The following MMS22L variants were observed in gnomAD, a reference collection of about 807,000 sequenced individuals.
MMS22L encodes the protein protein MMS22-like.
In MMS22L, 74 loss-of-function variants were observed where a neutral mutation model predicts 159.1. The observed-to-expected ratio is 0.47, with a 90% CI of 0.39 to 0.56. MMS22L has a LOEUF of 0.56. Ranked by LOEUF, MMS22L falls within the 20% of genes least tolerant of loss-of-function variation. The pLI is 0.00. For missense variants in MMS22L, 1,351 were observed against 1,422.1 expected (o/e 0.95, Z 0.80); for synonymous variants, 517 against 506.9 (o/e 1.02, Z -0.27).
At chr6:97,234,043 T>C in intron 11 of MMS22L, 63 bp from the exon 12 acceptor site, 1 of 1,558,282 alleles carries the variant, frequency 6.4e-7, no homozygotes, top group South Asian at 1.2e-5. Flanking sequence ...CATTTTCACT[T>C]GATATTGTGC....
chr6:97,265,813 C>T (rs907430894), intron 8 of MMS22L: 2 of 151,922 alleles, frequency 1.3e-5, no homozygotes, highest in African/African-American at 4.8e-5. Context: ...CCTGCGCCTC[C>T]CAGGTTCAAG....
At chr6:97,166,990 A>G (rs1803021635) in intron 20 of MMS22L, among the ~76,000 whole-genome samples, 1 of 152,154 alleles carries the variant, frequency 6.6e-6, no homozygotes, top group Non-Finnish European at 1.5e-5. Context: ...GTTAAGAAAT[A>G]CATCTTTGAA....
chr6:97,199,212 G>A (rs1198520829), intron 14 of MMS22L, among the ~76,000 whole-genome samples: 1 of 152,072 alleles, frequency 6.6e-6, no homozygotes, highest in Non-Finnish European at 1.5e-5. Context: ...TAAAAGTAAA[G>A]AGCCAAAGAT....
Position 97,149,920 on chromosome 6 carries a change from A to C in MMS22L, c.3583T>G (p.Ser1195Ala), listed in dbSNP as rs373483639. The change falls in exon 24 of 25, where the codon TCT becomes GCT. Residue 1195 changes from serine to alanine, a missense_variant. By Grantham distance (99) the Ser-to-Ala change is moderately conservative. Transcript: ENST00000683635. ...LDQQVVIHLI[S>A]TLTQSLKDSE... Reference sequence around the variant, plus strand: ...TCCTTCAGAGACTGAGTAAGGGTAGAAATCAAGTGGATGACAACCTGCTGG... The same window carrying C: ...TCCTTCAGAGACTGAGTAAGGGTAGCAATCAAGTGGATGACAACCTGCTGG... 1 of 1,613,744 alleles carries C rather than the reference A, an allele frequency of 6.2e-7. No homozygotes were observed.
At chr6:97,193,276 C>A (rs1806085108) in intron 14 of MMS22L, among the ~76,000 whole-genome samples, 1 of 152,132 alleles carries the variant, frequency 6.6e-6, no homozygotes, top group South Asian at 2.1e-4. Flanking sequence ...AACAACAAAT[C>A]AGGAATCCAG....
At chr6:97,193,245 T>A (rs907134807) in intron 14 of MMS22L, among the ~76,000 whole-genome samples, 1 of 152,158 alleles carries the variant, frequency 6.6e-6, no homozygotes, top group Non-Finnish European at 1.5e-5. Context: ...AAAATTGACT[T>A]AGTTTGCAAG....
At chr6:97,190,534 TCA>T (rs1295188812) in intron 14 of MMS22L, among the ~76,000 whole-genome samples, 3 of 152,154 alleles carry the variant, frequency 2.0e-5, no homozygotes, top group African/African-American at 7.2e-5. Flanking sequence ...TTGCTGAATG[TCA>T]AGTTATTCAA....
At chr6:97,193,830 G>C (rs1041298721) in intron 14 of MMS22L, among the ~76,000 whole-genome samples, 3 of 151,900 alleles carry the variant, frequency 2.0e-5, no homozygotes. Flanking sequence ...GCAAGATCTC[G>C]GCTCACTGCA....
chr6:97,186,712 G>A (rs781621938), intron 14 of MMS22L, 22 bp from the exon 15 acceptor site: 1 of 1,455,312 alleles, frequency 6.9e-7, no homozygotes, highest in Non-Finnish European at 9.1e-7. Flanking sequence ...TAAAAATACA[G>A]CTAACACCCT....
chr6:97,235,798 G>A (rs756279911), intron 11 of MMS22L, among the ~76,000 whole-genome samples: 16 of 152,146 alleles, frequency 1.1e-4, no homozygotes, highest in African/African-American at 3.9e-4. Context: ...CCTTGAACAG[G>A]TGAGAAGAGT....
intron 14 of MMS22L, among the ~76,000 whole-genome samples, chr6:97,210,156 T>A (rs921515089): frequency 6.6e-6 from 1 of 151,882 alleles, no homozygotes; most frequent in Non-Finnish European, 1.5e-5. Flanking sequence ...TCACTTCATA[T>A]CCAACCTTTT....
intron 14 of MMS22L, among the ~76,000 whole-genome samples, chr6:97,196,849 T>C (rs1021222860): frequency 2.0e-5 from 3 of 152,136 alleles, no homozygotes; most frequent in Admixed American, 1.3e-4. Context: ...TACAACATAC[T>C]ACACATATAT....
intron 14 of MMS22L, among the ~76,000 whole-genome samples, chr6:97,226,643 C>G (rs891687101): frequency 5.5e-5 from 8 of 145,630 alleles, no homozygotes; most frequent in Admixed American, 5.3e-4. Context: ...ATATCCTATA[C>G]ATTCTTTATA....
At chr6:97,207,442 T>C (rs1482801790) in intron 14 of MMS22L, among the ~76,000 whole-genome samples, 1 of 152,208 alleles carries the variant, frequency 6.6e-6, no homozygotes, top group Admixed American at 6.5e-5. Context: ...AAAAACATAA[T>C]TTCATTACAA....
At chr6:97,246,744 T>G in intron 10 of MMS22L, 54 bp from the exon 11 acceptor site, 1 of 1,303,530 alleles carries the variant, frequency 7.7e-7, no homozygotes, top group Non-Finnish European at 1.1e-6. Flanking sequence ...TATGCCTATA[T>G]TTAAAATTAG....
At chr6:97,236,619 T>C (rs1325166879) in intron 11 of MMS22L, among the ~76,000 whole-genome samples, 3 of 152,064 alleles carry the variant, frequency 2.0e-5, no homozygotes, top group Non-Finnish European at 4.4e-5. Context: ...AATTTGATTG[T>C]TCAAAATTAA....
chr6:97,168,385 A>C (rs1803197046), intron 19 of MMS22L, 145 bp from the exon 20 acceptor site: 4 of 633,052 alleles, frequency 6.3e-6, no homozygotes, highest in Non-Finnish European at 7.9e-6. Flanking sequence ...AGTAACAAAT[A>C]TTTATGTCAA....
At chr6:97,191,675 A>T (rs913046452) in intron 14 of MMS22L, among the ~76,000 whole-genome samples, 2 of 152,182 alleles carry the variant, frequency 1.3e-5, no homozygotes, top group Non-Finnish European at 2.9e-5. Context: ...TATCTTATTG[A>T]TCTGATGGAA....
In MMS22L at chr6:97,173,276, T is replaced by C. The variant is rs560657098; in HGVS notation, c.2680-54A>G. The C allele has an allele frequency of 6.8e-4, 1,056 of 1,545,202 alleles. 8 individuals are homozygous for C. The highest frequency in any genetic ancestry group is 5.6e-3 in the South Asian group (470 of 84,674). On this transcript the variant is annotated intron_variant, in intron 18 of 24. Transcript: ENST00000683635. ...TTCCCAAAGTTTATACCATAAAGAT[T>C]TGGAACATAAAGATAATTTTTCTCT... is the stretch of plus-strand genomic sequence containing the variant.
Sources: allele counts gnomAD v4.1 joint callset (sites outside exome capture counted in the v4.1 genomes callset), GRCh38; gene constraint gnomAD v4.1.1; transcripts MANE v1.5; gene names NCBI Gene and HGNC (gene_info 2026-07-23, HGNC 2026-07-21).